PPOX: variants seen among roughly 807,000 people sequenced by gnomAD.
The protein encoded by PPOX is protoporphyrinogen oxidase.
A neutral mutation model predicts 54.1 loss-of-function variants in PPOX; 23 were observed. That is an observed-to-expected ratio of 0.43 (90% CI 0.31 to 0.60). The LOEUF (loss-of-function observed/expected upper bound fraction) is 0.60, where lower values mean the gene tolerates loss of function less well. Ranked by LOEUF, PPOX falls within the 20% of genes least tolerant of loss-of-function variation. The probability of loss-of-function intolerance (pLI) is 0.13; values close to 1 mark genes in which losing one functional copy is unlikely to be tolerated. For missense variants in PPOX, 512 were observed against 601.1 expected, an observed-to-expected ratio of 0.85 and a Z score of 1.55; for synonymous variants, 224 against 236.1, an observed-to-expected ratio of 0.95 and a Z score of 0.47.
chr1:161,166,892 G>C lies in PPOX; in HGVS notation c.45G>C (p.Leu15Phe). The C allele has an allele frequency of 3.1e-6, 5 of 1,613,162 alleles. No individual in the cohort carries two copies. The highest frequency in any genetic ancestry group is 4.2e-6 in the Non-Finnish European group (5 of 1,179,942). The change falls in exon 2 of 13, where the codon TTG (leucine) becomes TTC (phenylalanine). Residue 15 changes from leucine (L) to phenylalanine (F), a missense_variant. Leu to Phe is a conservative substitution (Grantham distance 22, BLOSUM62 0). Coordinates refer to ENST00000367999, the MANE Select transcript of PPOX (RefSeq NM_001122764.3). ...VVVLGGGISG[L>F]AASYHLSRAP... ...TGCTGGGCGGAGGCATCAGCGGCTT[G>C]GCCGCCAGTTACCACCTGAGCCGGG...
At position 161,170,502 on chromosome 1, in the gene PPOX, C is replaced by G. The variant is rs1249505772; in HGVS notation, c.1081C>G (p.Pro361Ala). Residue 361 changes from proline to alanine, a missense_variant, in exon 10 of 13, where the codon CCT becomes GCT. Physicochemically the swap from Pro to Ala is conservative, Grantham distance 27 (BLOSUM62 -1). Transcript: ENST00000367999. ...TTTCCCTGAGCAGGACGGGAGCCCC[C>G]CTGGCCTCAGAGTGACTGTGAGGAG... ...VAFPEQDGSP[P>A]GLRVTVMLGG... 59 of 1,614,114 alleles carry G rather than the reference C, an allele frequency of 3.7e-5. No homozygotes were observed. The highest frequency in any genetic ancestry group is 4.7e-5 in the Non-Finnish European group (56 of 1,180,048).
At chr1:161,166,173 G>C, upstream of PPOX, 10 of 983,206 alleles carry the variant, frequency 1.0e-5, no homozygotes, top group Non-Finnish European at 1.2e-5. Flanking sequence ...AGCTGGACCT[G>C]GTAAGCTTGT....
chr1:161,170,132 C>G (rs1571394717), intron 9 of PPOX, 108 bp downstream of exon 9: 2 of 1,346,024 alleles, frequency 1.5e-6, no homozygotes, highest in East Asian at 5.1e-5. Flanking sequence ...CGAGACCAGC[C>G]TGGCCAACAT....
chr1:161,173,053 G>A (rs1662064354), downstream of PPOX, among the ~76,000 whole-genome samples: 2 of 152,164 alleles, frequency 1.3e-5, no homozygotes, highest in Admixed American at 6.5e-5. Flanking sequence ...TACAGAGGAT[G>A]AGAATTCACA....
At chr1:161,166,315 C>T (rs1344912121), upstream of PPOX, 3 of 1,023,292 alleles carry the variant, frequency 2.9e-6, no homozygotes, top group East Asian at 8.5e-5. Flanking sequence ...TGCCGTCGCT[C>T]CGCCTCTGCC....
chr1:161,169,735 A>ACCTTCG lies in PPOX; in HGVS notation c.868+20_868+21insGCCTTC, dbSNP rs1660471598. ...TCCAGCTTCAGGTAATGGAATAGCC[A>ACCTTCG]CCTTCCCCTTCCCCAACCCCTACCA... On this transcript the variant is annotated intron_variant, in intron 8 of 12. Coordinates refer to ENST00000367999, the MANE Select transcript of PPOX (RefSeq NM_001122764.3). The ACCTTCG allele has an allele frequency of 1.2e-6, 2 of 1,614,072 alleles. No homozygotes were observed. Among genetic ancestry groups the ACCTTCG allele is most frequent in the Non-Finnish European group, 1.7e-6 (2 of 1,179,954 alleles).
downstream of PPOX, chr1:161,174,886 CCTT>C (rs1437800226): frequency 4.9e-6 from 6 of 1,216,634 alleles, no homozygotes; most frequent in Non-Finnish European, 7.2e-6. Flanking sequence ...AACAGTCTGG[CCTT>C]CTTAAAATTA....
At chr1:161,174,146 G>T, downstream of PPOX, 1 of 1,316,738 alleles carries the variant, frequency 7.6e-7, no homozygotes, top group East Asian at 2.4e-5. Flanking sequence ...GGTGGCTTAC[G>T]CCTGTAATCC....
Position 161,169,961 on chromosome 1 carries a change from C to T in PPOX, c.924C>T (p.Ala308=). 1 of 1,614,156 alleles carries T rather than the reference C, an allele frequency of 6.2e-7. No individual in the cohort carries two copies. Among genetic ancestry groups the T allele is most frequent in the South Asian group, 1.1e-5 (1 of 91,066 alleles). ...EAAPLARALS[A]ITAVSVAVVN... is the part of the protein sequence containing the mutation. ...CCCCTCTGGCTCGTGCCCTGAGTGC[C>T]ATCACTGCAGTGTCTGTAGCTGTGG... The change falls in exon 9 of 13, where the codon GCC becomes GCT. Residue 308 remains alanine (A), a synonymous_variant. Transcript: ENST00000367999.
rs779526273 is a variant in PPOX, at chr1:161,166,846, G to T, written c.-2G>T. The T allele has an allele frequency of 1.9e-6, 3 of 1,613,174 alleles. No homozygotes were observed. Among genetic ancestry groups the T allele is most frequent in the Admixed American group, 1.7e-5 (1 of 60,030 alleles). On this transcript the variant is annotated 5_prime_UTR_variant, in exon 2 of 13. Coordinates refer to ENST00000367999, the MANE Select transcript of PPOX (RefSeq NM_001122764.3). ...ATCGCCCCCTTTCCCCCAGGTTTCC[G>T]CATGGGCCGGACCGTGGTCGTGCTG...
chr1:161,174,588 G>C (rs1414757044), downstream of PPOX, among the ~76,000 whole-genome samples: 1 of 152,130 alleles, frequency 6.6e-6, no homozygotes, highest in East Asian at 1.9e-4. Context: ...ATTTAATCCT[G>C]ACAATTGGCA....
At chr1:161,177,087 G>A, downstream of PPOX, 1 of 1,533,622 alleles carries the variant, frequency 6.5e-7, no homozygotes, top group South Asian at 1.2e-5. Flanking sequence ...TTCTAGCGGG[G>A]GTGGGGAGGA....
chr1:161,170,758 C>T lies in PPOX; in HGVS notation c.1237C>T (p.His413Tyr). Reference protein sequence around the residue: ...LKEMPSHCLVHLHKNCIPQYT... With the variant: ...LKEMPSHCLVYLHKNCIPQYT... ...GGAGATGCCGAGCCACTGCTTGGTC[C>T]ATCTACACAAGGTAAGTTGGGATAA... is the stretch of plus-strand genomic sequence containing the variant. Residue 413 changes from histidine to tyrosine, a missense_variant, in exon 11 of 13, where the codon CAT (histidine) becomes TAT (tyrosine). Physicochemically the swap from His to Tyr is moderately conservative, Grantham distance 83. Transcript: ENST00000367999. The T allele has an allele frequency of 6.2e-7, 1 of 1,612,216 alleles. No individual in the cohort carries two copies. The highest frequency in any genetic ancestry group is 1.1e-5 in the South Asian group (1 of 91,002).
At chr1:161,166,221 C>T (rs1658825142), upstream of PPOX, 1 of 970,050 alleles carries the variant, frequency 1.0e-6, no homozygotes, top group Admixed American at 6.2e-5. Context: ...GCGCTCGCCG[C>T]CTCGGTCCTG....
At chr1:161,172,284 C>G, downstream of PPOX, 1 of 1,614,078 alleles carries the variant, frequency 6.2e-7, no homozygotes, top group African/African-American at 1.3e-5. Flanking sequence ...CTTATAGTGT[C>G]CTACAGATGT....
chr1:161,175,906 C>T (rs750762054), downstream of PPOX: 14 of 1,614,018 alleles, frequency 8.7e-6, no homozygotes, highest in South Asian at 4.4e-5. Flanking sequence ...GTAGACATCA[C>T]GAGGGTGAGA....
In PPOX at chr1:161,166,513, A is replaced by ATT. The variant is rs2101836653; in HGVS notation, c.-168_-167insTT. The ATT allele has an allele frequency of 7.5e-7, 1 of 1,333,456 alleles. No individual in the cohort carries two copies. The highest frequency in any genetic ancestry group is 1.5e-5 in the African/African-American group (1 of 67,652). The allele number at this position is 1,333,456 out of a possible 1,614,324, so 82.6% of individuals were successfully genotyped here. A position where few individuals can be genotyped will look rare whatever the true frequency, so the allele number is the denominator to read the frequency against. On this transcript the variant is annotated 5_prime_UTR_variant, in exon 1 of 13. Transcript: ENST00000367999. Reference sequence around the variant, plus strand: ...TGGCCTACAGAGGTGTGGCAAGCAGAGCACCTCAGAACTCAGGCGTACTGC... The same window carrying ATT: ...TGGCCTACAGAGGTGTGGCAAGCAGATTGCACCTCAGAACTCAGGCGTACTGC...
At chr1:161,177,959 T>A (rs535429576), downstream of PPOX, 175 of 152,264 alleles carry the variant, frequency 1.1e-3, no homozygotes, top group African/African-American at 4.0e-3. Context: ...TCCCGTTGTA[T>A]CCCGCAGGCC....
intron 8 of PPOX, 89 bp downstream of exon 8, chr1:161,169,809 C>A: frequency 1.2e-6 from 2 of 1,612,656 alleles, no homozygotes; most frequent in Non-Finnish European, 1.7e-6. Context: ...CCACACCATG[C>A]CCCTGAACTG....
Sources: gnomAD v4.1 joint callset for allele counts (sites outside exome capture counted in the v4.1 genomes callset) on GRCh38, gnomAD v4.1.1 for gene constraint, MANE v1.5 for transcripts, NCBI Gene and HGNC (gene_info 2026-07-23, HGNC 2026-07-21) for gene names.